The following PCNX2 variants were observed in gnomAD, a reference collection of about 807,000 sequenced individuals.
PCNX2 encodes the protein pecanex-like protein 2.
In PCNX2, 168 loss-of-function variants were observed where a neutral mutation model predicts 223.8. The ratio of observed to expected loss-of-function variants is 0.75; its 90% CI spans 0.66 to 0.85. The LOEUF is 0.85. Among genes scored for constraint, PCNX2 ranks in the 40% least tolerant of loss-of-function variants. PCNX2 has a pLI of 0.00. For missense variants in PCNX2, 2,507 were observed against 2,675.5 expected, an observed-to-expected ratio of 0.94 and a Z score of 1.39; for synonymous variants, 1,006 against 1,052.6, an observed-to-expected ratio of 0.96 and a Z score of 0.86.
At chr1:233,145,033 C>T (rs1677359605) in intron 19 of PCNX2, among the ~76,000 whole-genome samples, 1 of 149,448 alleles carries the variant, frequency 6.7e-6, no homozygotes, top group South Asian at 2.1e-4. Context: ...GGCTCAATCT[C>T]GGCTCACTGC....
chr1:233,311,349 G>A, the PCNX2 span, among the ~76,000 whole-genome samples: 1 of 152,222 alleles, frequency 6.6e-6, no homozygotes, highest in African/African-American at 2.4e-5. Context: ...CAAGTTATGA[G>A]GTGATCAAAG....
rs1669713010 is a variant in PCNX2, at chr1:232,991,924, A to G, written c.5792-5384T>C. ...CATGGCAGCCCAAGCAGACTCACAC[A>G]TTCTGAGCTGAAGCCATCATTCAAC... On this transcript the variant is annotated intron_variant, in intron 32 of 33. Coordinates refer to ENST00000258229, the MANE Select transcript of PCNX2 (RefSeq NM_014801.4). The surrounding 1 kb of genome is among the most constrained non-coding windows in gnomAD (Gnocchi z 4.3). Among the ~76,000 whole-genome samples, 1 of 152,194 alleles carries G rather than the reference A, an allele frequency of 6.6e-6. No individual in the cohort carries two copies. Among genetic ancestry groups the G allele is most frequent in the Non-Finnish European group, 1.5e-5 (1 of 68,028 alleles).
intron 32 of PCNX2, among the ~76,000 whole-genome samples, chr1:232,997,366 C>T (rs1669912391): frequency 6.6e-6 from 1 of 152,192 alleles, no homozygotes; most frequent in Non-Finnish European, 1.5e-5. Context: ...CTGCCTTGCT[C>T]TGGGCACTCC....
chr1:233,017,065 C>T lies in PCNX2; in HGVS notation c.4695G>A (p.Lys1565=), dbSNP rs766296935. 1 of 1,596,494 alleles carries T rather than the reference C, an allele frequency of 6.3e-7. No individual in the cohort carries two copies. Among genetic ancestry groups the T allele is most frequent in the Non-Finnish European group, 8.5e-7 (1 of 1,173,820 alleles). The change falls in exon 27 of 34, where the codon AAG becomes AAA. Residue 1565 remains lysine (K), a synonymous_variant. Transcript: ENST00000258229. Reference sequence around the variant, plus strand: ...CAAGGTCACGCTCAATGTAATGCCACTTGGCAAAGGGCTGCAGGGACTTCA... The same window carrying T: ...CAAGGTCACGCTCAATGTAATGCCATTTGGCAAAGGGCTGCAGGGACTTCA... ...SLLKSLQPFA[K]WHYIERDLAM...
chr1:233,016,825 A>G (rs767710045), intron 27 of PCNX2, 96 bp downstream of exon 27: 209 of 1,494,086 alleles, frequency 1.4e-4, no homozygotes, highest in Non-Finnish European at 1.8e-4. Context: ...CTATGTTAAA[A>G]GTCTACCATA....
chr1:233,116,943 CAGGAGGTATCACTA>C, intron 21 of PCNX2, among the ~76,000 whole-genome samples: 1 of 152,032 alleles, frequency 6.6e-6, no homozygotes, highest in East Asian at 1.9e-4. Flanking sequence ...AGGAGTGAAG[CAGGAGGTATCACTA>C]AGGAAACTGC....
intron 15 of PCNX2, among the ~76,000 whole-genome samples, chr1:233,187,563 T>A (rs1463817180): frequency 6.6e-6 from 1 of 152,198 alleles, no homozygotes; most frequent in Non-Finnish European, 1.5e-5. Context: ...GTCCAAATCT[T>A]ACTTCACTCA....
chr1:232,996,207 C>G (rs1371199438), intron 32 of PCNX2, among the ~76,000 whole-genome samples: 1 of 152,156 alleles, frequency 6.6e-6, no homozygotes, highest in Non-Finnish European at 1.5e-5. Context: ...GTCTGAAGCA[C>G]TTCTGGAACC....
chr1:233,264,022 G>C (rs1352019544), intron 1 of PCNX2, among the ~76,000 whole-genome samples: 1 of 152,146 alleles, frequency 6.6e-6, no homozygotes, highest in African/African-American at 2.4e-5. Context: ...ACTTCCAAAA[G>C]GAAGAGGGAT....
chr1:233,233,852 C>T (rs1291199256), intron 9 of PCNX2, among the ~76,000 whole-genome samples: 1 of 152,014 alleles, frequency 6.6e-6, no homozygotes, highest in African/African-American at 2.4e-5. Context: ...ACTGAGCACA[C>T]CTGCTTTCAG....
At chr1:233,073,464 C>T (rs1424841166) in intron 23 of PCNX2, among the ~76,000 whole-genome samples, 2 of 151,966 alleles carry the variant, frequency 1.3e-5, no homozygotes, top group African/African-American at 4.8e-5. Flanking sequence ...TATTTGAGAT[C>T]TTTAAAAAAT....
chr1:233,192,240 A>C (rs1680461636), intron 15 of PCNX2, among the ~76,000 whole-genome samples: 1 of 152,224 alleles, frequency 6.6e-6, no homozygotes, highest in Non-Finnish European at 1.5e-5. Flanking sequence ...CTCAGGCATA[A>C]AAAATGATAG....
rs879308159 is a variant in PCNX2 at position 233,091,777 on chromosome 1, CT to C, written c.3947-1588del. ...ATGATTTTTTTTTTTTCAAGAGTGA[CT>C]TTTTTTTTTAAAACTTTCTATTTAC... is the stretch of plus-strand genomic sequence containing the variant. On this transcript the variant is annotated intron_variant, in intron 22 of 33. Transcript: ENST00000258229. Among the ~76,000 whole-genome samples the C allele has an allele frequency of 9.4e-5, 13 of 137,590 alleles. No individual in the cohort carries two copies. The South Asian group carries it at 1.9e-3, about 20-fold the overall frequency. 90.3% of individuals were successfully genotyped at this position (137,590 alleles called of 152,430 possible).
chr1:233,148,700 C>A (rs1225696690), intron 19 of PCNX2, among the ~76,000 whole-genome samples: 1 of 152,140 alleles, frequency 6.6e-6, no homozygotes, highest in Non-Finnish European at 1.5e-5. Flanking sequence ...CCATGCCCGG[C>A]CTTAATTTCA....
chr1:233,024,672 TA>T (rs1671021159), intron 26 of PCNX2, among the ~76,000 whole-genome samples: 1 of 152,228 alleles, frequency 6.6e-6, no homozygotes. Flanking sequence ...CCATGTGAGT[TA>T]GGGGGAAAGG....
intron 8 of PCNX2, 126 bp from the exon 9 acceptor site, chr1:233,237,106 C>T: frequency 8.3e-7 from 1 of 1,211,124 alleles, no homozygotes; most frequent in South Asian, 1.5e-5. Context: ...TACAACCTTA[C>T]ATAAACAGTT....
At chr1:233,192,230 C>T (rs1053731311) in intron 15 of PCNX2, among the ~76,000 whole-genome samples, 2 of 152,112 alleles carry the variant, frequency 1.3e-5, no homozygotes, top group Non-Finnish European at 2.9e-5. Flanking sequence ...CATTATGTGG[C>T]TCAGGCATAA....
At chr1:233,124,492 C>T (rs1372993605) in intron 21 of PCNX2, among the ~76,000 whole-genome samples, 2 of 152,208 alleles carry the variant, frequency 1.3e-5, no homozygotes, top group Non-Finnish European at 2.9e-5. Context: ...GCTATGACCA[C>T]CACCTTATTT....
chr1:233,088,758 T>G (rs1673728304), intron 23 of PCNX2, among the ~76,000 whole-genome samples: 1 of 152,070 alleles, frequency 6.6e-6, no homozygotes, highest in African/African-American at 2.4e-5. Flanking sequence ...TCCCCCCGAG[T>G]CATGGTAAAC....
Sources: gnomAD v4.1 joint callset for allele counts (sites outside exome capture counted in the v4.1 genomes callset) on GRCh38, gnomAD v4.1.1 for gene constraint, Gnocchi (gnomAD v3.1) non-coding constraint, MANE v1.5 for transcripts, NCBI Gene and HGNC (gene_info 2026-07-23, HGNC 2026-07-21) for gene names.